TACC1: variants seen among roughly 807,000 people sequenced by gnomAD.
TACC1 encodes the protein transforming acidic coiled-coil-containing protein 1.
A neutral mutation model predicts 84.4 loss-of-function variants in TACC1; 48 were observed. The observed-to-expected ratio is 0.57, with a 90% CI of 0.45 to 0.72. The LOEUF (loss-of-function observed/expected upper bound fraction) is 0.72. Ranked by LOEUF, TACC1 falls within the 30% of genes least tolerant of loss-of-function variation. The pLI is 0.00. For missense variants in TACC1, 920 were observed against 973.0 expected (o/e 0.95, Z 0.72); for synonymous variants, 372 against 376.3 (o/e 0.99, Z 0.13).
At chr8:38,758,698 A>G (rs997775313) in intron 3 of TACC1, among the ~76,000 whole-genome samples, 24 of 149,014 alleles carry the variant, frequency 1.6e-4, no homozygotes, top group Non-Finnish European at 2.4e-4. Context: ...AAAAAAAAAA[A>G]AAAAAAGCTG....
intron 2 of TACC1, among the ~76,000 whole-genome samples, chr8:38,808,093 A>G (rs1022859131): frequency 1.3e-5 from 2 of 152,226 alleles, no homozygotes; most frequent in Non-Finnish European, 2.9e-5. Context: ...CTACTGATCT[A>G]ATCTCTGTCT....
chr8:38,821,059 G>A (rs767742891), intron 3 of TACC1, among the ~76,000 whole-genome samples: 6 of 152,108 alleles, frequency 3.9e-5, no homozygotes, highest in Non-Finnish European at 7.4e-5. Flanking sequence ...GCAAAAATTA[G>A]CTGGGCGTGG....
At chr8:38,735,312 T>G (rs1417261783) in intron 1 of TACC1, among the ~76,000 whole-genome samples, 3 of 152,182 alleles carry the variant, frequency 2.0e-5, no homozygotes, top group Non-Finnish European at 4.4e-5. Flanking sequence ...CCAAACTGGT[T>G]GTGTGGAGAG....
rs141906130 is a variant in TACC1, at chr8:38,734,278, C to T, written c.-675+5607C>T. Among the ~76,000 whole-genome samples the T allele has an allele frequency of 2.6e-4, 39 of 152,154 alleles. 1 individual carries two copies. The highest frequency in any genetic ancestry group is 8.2e-4 in the African/African-American group (34 of 41,524). ...TGTGATCTCGACTCACTGCAACCTCCGCCTCACAGGTTCAAGCGATTCTCC... is the reference window on the plus strand; with the variant it reads ...TGTGATCTCGACTCACTGCAACCTCTGCCTCACAGGTTCAAGCGATTCTCC... On this transcript the variant is annotated intron_variant, in intron 1 of 14. Coordinates refer to the TACC1 transcript ENST00000518415.
rs1830239991 is a variant in TACC1, at chr8:38,836,394, G to A, written c.1839+107G>A. On this transcript the variant is annotated intron_variant, in intron 7 of 12. Transcript: ENST00000317827. Reference sequence around the variant, plus strand: ...TGGCTCAAGTTATCACAGGCTGGAAGTTCTTATTACCTGCAGCTTGTTTAG... The same window carrying A: ...TGGCTCAAGTTATCACAGGCTGGAAATTCTTATTACCTGCAGCTTGTTTAG... The A allele has an allele frequency of 1.9e-5, 28 of 1,488,728 alleles. No homozygotes were observed. In the South Asian group the frequency reaches 3.3e-4, roughly 18 times the overall value. The allele number at this position is 1,488,728 out of a possible 1,614,324, so 92.2% of individuals were successfully genotyped here. A position where few individuals can be genotyped will look rare whatever the true frequency, so the allele number is the denominator to read the frequency against.
chr8:38,765,919 G>A (rs1398170658), intron 3 of TACC1, among the ~76,000 whole-genome samples: 1 of 151,926 alleles, frequency 6.6e-6, no homozygotes, highest in Non-Finnish European at 1.5e-5. Flanking sequence ...CCATCTTAAG[G>A]TTGCATTTTA....
chr8:38,847,956 A>G lies in TACC1; in HGVS notation c.2351A>G (p.Asn784Ser), dbSNP rs1042263925. The part of the protein sequence containing the change: ...ESLERALQQK[N>S]QEIEELTKIC... ...ATAATTATGTCATTTGTCTTTCAGA[A>G]CCAAGAAATTGAAGAACTGACAAAA... Residue 784 changes from asparagine (N) to serine (S), a missense_variant and splice_region_variant, in exon 13 of 13, where the codon AAC (asparagine) becomes AGC (serine). Transcript: ENST00000317827. 17 of 1,613,780 alleles carry G rather than the reference A, an allele frequency of 1.1e-5. No individual in the cohort carries two copies. Among genetic ancestry groups the G allele is most frequent in the Non-Finnish European group, 1.2e-5 (14 of 1,179,878 alleles).
Position 38,847,946 on chromosome 8 carries a change from G to A in TACC1, c.2350-9G>A, listed in dbSNP as rs1336969154. The A allele has an allele frequency of 6.2e-7, 1 of 1,613,036 alleles. No individual in the cohort carries two copies. The highest frequency in any genetic ancestry group is 8.5e-7 in the Non-Finnish European group (1 of 1,179,416). On this transcript the variant is annotated splice_polypyrimidine_tract_variant and intron_variant, in intron 12 of 12. Coordinates refer to ENST00000317827, the MANE Select transcript of TACC1 (RefSeq NM_006283.3). Reference sequence around the variant, plus strand: ...AGTGGCCTGCATAATTATGTCATTTGTCTTTCAGAACCAAGAAATTGAAGA... The same window carrying A: ...AGTGGCCTGCATAATTATGTCATTTATCTTTCAGAACCAAGAAATTGAAGA...
At chr8:38,789,344 T>G (rs778495051) in intron 2 of TACC1, among the ~76,000 whole-genome samples, 1 of 152,194 alleles carries the variant, frequency 6.6e-6, no homozygotes, top group African/African-American at 2.4e-5. Flanking sequence ...AGCCCAGCCC[T>G]TCATCTGCAG....
chr8:38,764,240 G>A (rs879394401), intron 3 of TACC1, among the ~76,000 whole-genome samples: 2 of 151,966 alleles, frequency 1.3e-5, no homozygotes, highest in African/African-American at 4.8e-5. Context: ...ACCATGCCCA[G>A]CTAATTTTTG....
intron 6 of TACC1, among the ~76,000 whole-genome samples, chr8:38,832,571 G>T (rs1424549196): frequency 6.6e-6 from 1 of 152,166 alleles, no homozygotes; most frequent in Non-Finnish European, 1.5e-5. Flanking sequence ...TATCTGTGTT[G>T]CTCTGAAGTC....
chr8:38,775,010 CAAAAAAAAA>C (rs913147283), intron 3 of TACC1, among the ~76,000 whole-genome samples: 1 of 83,758 alleles, frequency 1.2e-5, no homozygotes, highest in Non-Finnish European at 2.4e-5. Context: ...GACTCCGTCT[CAAAAAAAAA>C]AAAAAAAAAA....
intron 1 of TACC1, among the ~76,000 whole-genome samples, chr8:38,737,628 C>T (rs1462263011): frequency 1.3e-5 from 2 of 152,018 alleles, no homozygotes; most frequent in Non-Finnish European, 2.9e-5. Context: ...TGAGCAAACC[C>T]ACCTCCCAAA....
intron 2 of TACC1, among the ~76,000 whole-genome samples, chr8:38,810,065 C>T (rs1823706956): frequency 6.6e-6 from 1 of 152,146 alleles, no homozygotes; most frequent in Non-Finnish European, 1.5e-5. Flanking sequence ...AGATAAAGGA[C>T]TATCAAGATT....
At chr8:38,806,488 A>AG (rs1563647098) in intron 2 of TACC1, among the ~76,000 whole-genome samples, 6 of 150,470 alleles carry the variant, frequency 4.0e-5, no homozygotes, top group African/African-American at 1.5e-4. Context: ...GAGAGAGAGA[A>AG]AGAGAGAGAG....
rs865921018 is a variant in TACC1 at position 38,787,721 on chromosome 8, G to A, written c.139G>A (p.Glu47Lys). 5 of 1,548,002 alleles carry A rather than the reference G, an allele frequency of 3.2e-6. No homozygotes were observed. The East Asian group carries it at 7.3e-5, about 23-fold the overall frequency. ...CCCCGAGGAGGAGGATTCGCAAGCC[G>A]AGACCAAATCCTTGAGTTTCAGGCA... ...GDPEEEDSQA[E>K]TKSLSFSSDS... The change falls in exon 1 of 13, where the codon GAG (glutamate) becomes AAG (lysine). Residue 47 changes from glutamate (E) to lysine (K), a missense_variant. Physicochemically the swap from Glu to Lys is moderately conservative, Grantham distance 56 (BLOSUM62 1). Coordinates refer to ENST00000317827, the MANE Select transcript of TACC1 (RefSeq NM_006283.3).
At chr8:38,777,354 A>G (rs535446855) in intron 3 of TACC1, among the ~76,000 whole-genome samples, 4 of 152,004 alleles carry the variant, frequency 2.6e-5, no homozygotes, top group Non-Finnish European at 5.9e-5. Context: ...CTCCCCAGTC[A>G]GCCTGGTGCG....
At chr8:38,831,457 CTT>C (rs761238237) in intron 6 of TACC1, among the ~76,000 whole-genome samples, 8 of 152,074 alleles carry the variant, frequency 5.3e-5, no homozygotes, top group Non-Finnish European at 1.2e-4. Flanking sequence ...TTTTGGATGT[CTT>C]GGGTTAACTA....
chr8:38,740,273 G>A (rs961493787), intron 1 of TACC1, among the ~76,000 whole-genome samples: 3 of 152,156 alleles, frequency 2.0e-5, no homozygotes, highest in African/African-American at 7.2e-5. Context: ...AGGTGATCCA[G>A]CCATTCCATT....
Sources: allele counts gnomAD v4.1 joint callset (sites outside exome capture counted in the v4.1 genomes callset), GRCh38; gene constraint gnomAD v4.1.1; transcripts MANE v1.5; gene names NCBI Gene and HGNC (gene_info 2026-07-23, HGNC 2026-07-21).